The following TAFA2 variants were observed in gnomAD, a reference collection of about 807,000 sequenced individuals.
TAFA2 encodes the protein chemokine-like protein TAFA-2.
Under a neutral mutation model 18.8 loss-of-function variants are expected in TAFA2, and 7 were observed. That is an observed-to-expected ratio of 0.37 (90% CI 0.21 to 0.70). The LOEUF (loss-of-function observed/expected upper bound fraction) is 0.70. Ranked by LOEUF, TAFA2 falls within the 30% of genes least tolerant of loss-of-function variation. TAFA2 has a pLI of 0.53. For synonymous variants in TAFA2, 60 were observed against 54.2 expected, an observed-to-expected ratio of 1.11 and a Z score of -0.47; for missense variants, 122 against 158.1, an observed-to-expected ratio of 0.77 and a Z score of 1.23.
chr12:62,163,394 T>G (rs1467669283), intron 1 of TAFA2, among the ~76,000 whole-genome samples: 1 of 152,146 alleles, frequency 6.6e-6, no homozygotes, highest in Non-Finnish European at 1.5e-5. Flanking sequence ...AATTATCTGC[T>G]TTATCTCCAT....
chr12:61,806,605 G>T (rs1480111198), intron 2 of TAFA2, among the ~76,000 whole-genome samples: 1 of 152,176 alleles, frequency 6.6e-6, no homozygotes, highest in Non-Finnish European at 1.5e-5. Context: ...TGTTTGGAGG[G>T]GTCAGAAGAA....
At chr12:62,180,535 A>G (rs975540621) in intron 1 of TAFA2, among the ~76,000 whole-genome samples, 1 of 152,216 alleles carries the variant, frequency 6.6e-6, no homozygotes, top group African/African-American at 2.4e-5. Context: ...TTTATAATCT[A>G]ATAAACTGAA....
chr12:62,181,996 C>G (rs1043177244), intron 1 of TAFA2, among the ~76,000 whole-genome samples: 27 of 148,666 alleles, frequency 1.8e-4, no homozygotes, highest in Non-Finnish European at 3.9e-4. Context: ...TCCATCCCCC[C>G]CCCGCTACAC....
chr12:61,906,725 G>T (rs1301949637), intron 1 of TAFA2, among the ~76,000 whole-genome samples: 1 of 152,186 alleles, frequency 6.6e-6, no homozygotes, highest in Non-Finnish European at 1.5e-5. Context: ...TGGTTGAATG[G>T]CTTTGACCAA....
chr12:61,981,744 C>T (rs1281993484), intron 1 of TAFA2, among the ~76,000 whole-genome samples: 2 of 152,148 alleles, frequency 1.3e-5, no homozygotes, highest in Non-Finnish European at 2.9e-5. Context: ...AAATGCAAAT[C>T]AAAACCACAA....
intron 1 of TAFA2, among the ~76,000 whole-genome samples, chr12:62,215,746 C>CTTGCTTAAGAGAAACAACTTGTTTCCCA (rs1417647952): frequency 1.4e-5 from 1 of 72,588 alleles, no homozygotes; most frequent in Non-Finnish European, 2.9e-5. Flanking sequence ...ACTTGTTTCT[C>CTTGCTTAAGAGAAACAACTTGTTTCCCA]AAAAAAAAAA....
chr12:61,720,146 T>C (rs796878047), intron 4 of TAFA2, among the ~76,000 whole-genome samples: 4 of 152,260 alleles, frequency 2.6e-5, no homozygotes, highest in African/African-American at 9.6e-5. Context: ...AAAATATAAA[T>C]GCTTAAATCT....
chr12:62,189,091 C>A (rs2062604881), intron 1 of TAFA2, among the ~76,000 whole-genome samples: 1 of 152,040 alleles, frequency 6.6e-6, no homozygotes, highest in African/African-American at 2.4e-5. Flanking sequence ...CTGGGTTCAT[C>A]TTTAAGAGAC....
intron 1 of TAFA2, chr12:61,879,436 CG>C: frequency 1.4e-6 from 1 of 698,514 alleles, no homozygotes. Context: ...AAGCTTCTCC[CG>C]AGTGGGCAGC....
intron 1 of TAFA2, among the ~76,000 whole-genome samples, chr12:61,878,622 A>G (rs1035906487): frequency 5.3e-5 from 8 of 152,204 alleles, no homozygotes; most frequent in African/African-American, 1.9e-4. Context: ...AGATGGAAGA[A>G]ACACTACATA....
chr12:61,926,881 G>A (rs1265459490), intron 1 of TAFA2, among the ~76,000 whole-genome samples: 1 of 151,750 alleles, frequency 6.6e-6, no homozygotes, highest in Non-Finnish European at 1.5e-5. Flanking sequence ...GACCATCCTG[G>A]CAAACATGGT....
chr12:61,980,364 A>G (rs1349672392), intron 1 of TAFA2, among the ~76,000 whole-genome samples: 1 of 152,210 alleles, frequency 6.6e-6, no homozygotes, highest in Non-Finnish European at 1.5e-5. Context: ...CTGAATGGAC[A>G]AAAACTGGAA....
intron 2 of TAFA2, among the ~76,000 whole-genome samples, chr12:61,828,282 C>T (rs1872595744): frequency 6.6e-6 from 1 of 151,804 alleles, no homozygotes; most frequent in Non-Finnish European, 1.5e-5. Flanking sequence ...GAAATAAAGT[C>T]AATTATTTTC....
chr12:62,201,850 C>G (rs1438417223), intron 1 of TAFA2, among the ~76,000 whole-genome samples: 1 of 152,186 alleles, frequency 6.6e-6, no homozygotes, highest in Admixed American at 6.5e-5. Flanking sequence ...TAGAATTCAG[C>G]TGCAAATCTG....
chr12:62,120,822 G>T (rs117422441), intron 1 of TAFA2, among the ~76,000 whole-genome samples: 7,697 of 150,806 alleles, frequency 0.051, 295 homozygotes, highest in Non-Finnish European at 0.079. Flanking sequence ...CTGCATTATG[G>T]TTTCTTTATT....
At chr12:61,750,110 A>G (rs1033226183) in intron 4 of TAFA2, among the ~76,000 whole-genome samples, 4 of 151,584 alleles carry the variant, frequency 2.6e-5, no homozygotes, top group African/African-American at 9.7e-5. Context: ...CCCCCCTGTT[A>G]CTTTTGTGTT....
intron 1 of TAFA2, among the ~76,000 whole-genome samples, chr12:62,054,084 A>G (rs770768738): frequency 1.3e-5 from 2 of 152,234 alleles, no homozygotes; most frequent in Non-Finnish European, 2.9e-5. Context: ...AACTCAGCAT[A>G]CATGATACAG....
At chr12:61,849,956 T>C (rs1186124431) in intron 2 of TAFA2, among the ~76,000 whole-genome samples, 1 of 152,174 alleles carries the variant, frequency 6.6e-6, no homozygotes, top group African/African-American at 2.4e-5. Flanking sequence ...CTTTTACAAA[T>C]TATCATTAAT....
intron 1 of TAFA2, among the ~76,000 whole-genome samples, chr12:61,961,646 G>A (rs927017169): frequency 3.3e-5 from 5 of 151,806 alleles, no homozygotes; most frequent in South Asian, 2.1e-4. Context: ...CTAAATAGCC[G>A]AACAGGAATT....
Sources: allele counts gnomAD v4.1 joint callset (sites outside exome capture counted in the v4.1 genomes callset), GRCh38; gene constraint gnomAD v4.1.1; transcripts MANE v1.5; gene names NCBI Gene and HGNC (gene_info 2026-07-23, HGNC 2026-07-21).